Variants in PLEKHH1 observed in about 807,000 individuals in gnomAD.
The protein encoded by PLEKHH1 is pleckstrin homology domain-containing family H member 1.
Under a neutral mutation model 160.0 loss-of-function variants are expected in PLEKHH1, and 104 were observed. The ratio of observed to expected loss-of-function variants is 0.65; its 90% CI spans 0.55 to 0.76. The LOEUF is 0.76. PLEKHH1 is among the 30% of genes least tolerant of loss of function. PLEKHH1 has a pLI of 0.00. For missense variants in PLEKHH1, 1,427 were observed against 1,724.1 expected (o/e 0.83, Z 3.05); for synonymous variants, 619 against 678.4 (o/e 0.91, Z 1.36).
chr14:67,583,916 C>T (rs758957700), intron 25 of PLEKHH1, 33 bp downstream of exon 25: 1 of 1,611,948 alleles, frequency 6.2e-7, no homozygotes. Context: ...CAGCAAGTCA[C>T]TGTGGGGAGG....
Position 67,577,472 on chromosome 14 carries a change from A to G in PLEKHH1, c.2574+58A>G, listed in dbSNP as rs534054526. The G allele has an allele frequency of 8.0e-6, 9 of 1,129,702 alleles. No individual in the cohort carries two copies. In the African/African-American group the frequency reaches 1.4e-4, roughly 17 times the overall value. 70.0% of individuals were successfully genotyped at this position (1,129,702 alleles called of 1,614,324 possible). On this transcript the variant is annotated intron_variant, in intron 18 of 28. Coordinates refer to ENST00000329153, the MANE Select transcript of PLEKHH1 (RefSeq NM_020715.3). ...GGATACTTGCAATACTTGGGTGGAG[A>G]AGGCCTGTGCAGTTGGGGACAACCC...
intron 1 of PLEKHH1, among the ~76,000 whole-genome samples, chr14:67,540,244 A>T (rs2033909345): frequency 1.3e-5 from 2 of 152,196 alleles, no homozygotes; most frequent in Non-Finnish European, 2.9e-5. Flanking sequence ...TCCCCTACTT[A>T]CCTCTTACCT....
In PLEKHH1 at chr14:67,557,993, G is replaced by C. The variant is rs536845450; in HGVS notation, c.339+575G>C. 2.6e-5 allele frequency among the ~76,000 whole-genome samples: 4 copies of C among 152,342 alleles called. No homozygotes were observed. In the East Asian group the frequency reaches 7.7e-4, roughly 29 times the overall value. On this transcript the variant is annotated intron_variant, in intron 4 of 28. Coordinates refer to ENST00000329153, the MANE Select transcript of PLEKHH1 (RefSeq NM_020715.3). ...AGCTGAAGAGGCAGAGACCAAAGTT[G>C]TTGCCTCCTCAGAAAACCAGGGTCT... is the stretch of plus-strand genomic sequence containing the variant.
chr14:67,569,708 T>C lies in PLEKHH1; in HGVS notation c.1343-213T>C. 3 of 587,666 alleles carry C rather than the reference T, an allele frequency of 5.1e-6. No individual in the cohort carries two copies. In the South Asian group the frequency reaches 6.2e-5, roughly 12 times the overall value. The allele number at this position is 587,666 out of a possible 1,614,324, so 36.4% of individuals were successfully genotyped here. The stretch of plus-strand genomic sequence containing the variant: ...GAAAAAATGGTTAAAGGTAAGGCTT[T>C]TGGATTCTTTTGTGAGGGATCCTTT... On this transcript the variant is annotated intron_variant, in intron 8 of 28. Coordinates refer to ENST00000329153, the MANE Select transcript of PLEKHH1 (RefSeq NM_020715.3).
intron 5 of PLEKHH1, 106 bp from the exon 6 acceptor site, chr14:67,561,848 C>T (rs2034847807): frequency 3.8e-6 from 3 of 797,626 alleles, no homozygotes; most frequent in Non-Finnish European, 5.9e-6. Context: ...TCAGTCTGGC[C>T]AACAGAGCAA....
At position 67,574,142 on chromosome 14, in the gene PLEKHH1, C is replaced by A; in HGVS notation, c.1927-100C>A. The A allele has an allele frequency of 2.7e-6, 3 of 1,101,382 alleles. No homozygotes were observed. The highest frequency in any genetic ancestry group is 3.9e-6 in the Non-Finnish European group (3 of 778,186). 68.2% of individuals were successfully genotyped at this position (1,101,382 alleles called of 1,614,324 possible). A position where few individuals can be genotyped will look rare whatever the true frequency, so the allele number is the denominator to read the frequency against. Reference sequence around the variant, plus strand: ...GGGAGCACTAGGGCAGGCAGAAGGCCAGCCCCTTGGGTTCAGGGACAGGTG... The same window carrying A: ...GGGAGCACTAGGGCAGGCAGAAGGCAAGCCCCTTGGGTTCAGGGACAGGTG... On this transcript the variant is annotated intron_variant, in intron 13 of 28. Coordinates refer to ENST00000329153, the MANE Select transcript of PLEKHH1 (RefSeq NM_020715.3). This position sits in a 1 kb window ranked among gnomAD's most constrained non-coding sequence, Gnocchi z 4.2.
chr14:67,568,090 C>G (rs1594772750), intron 7 of PLEKHH1, among the ~76,000 whole-genome samples: 1 of 152,172 alleles, frequency 6.6e-6, no homozygotes, highest in African/African-American at 2.4e-5. Context: ...GCCCTGAAGC[C>G]TAGCCATGAT....
chr14:67,572,111 C>T (rs2035410400), intron 10 of PLEKHH1, 24 bp from the exon 11 acceptor site: 5 of 1,597,988 alleles, frequency 3.1e-6, no homozygotes, highest in Non-Finnish European at 4.3e-6. Flanking sequence ...GGACCCGGGC[C>T]TTGACTCCTC....
Position 67,562,133 on chromosome 14 carries a change from A to C in PLEKHH1, c.506-4A>C. ...CAATGTGACTGTTTTTACCCGAATCACAGCTATTCAGATAGCTCCTTCACG... is the reference window on the plus strand; with the variant it reads ...CAATGTGACTGTTTTTACCCGAATCCCAGCTATTCAGATAGCTCCTTCACG... On this transcript the variant is annotated splice_region_variant and splice_polypyrimidine_tract_variant and intron_variant, in intron 6 of 28. Coordinates refer to ENST00000329153, the MANE Select transcript of PLEKHH1 (RefSeq NM_020715.3). 6.2e-7 allele frequency: 1 copy of C among 1,610,840 alleles called. No homozygotes were observed. Among genetic ancestry groups the C allele is most frequent in the South Asian group, 1.1e-5 (1 of 90,908 alleles).
intron 2 of PLEKHH1, among the ~76,000 whole-genome samples, chr14:67,549,155 A>G (rs2140357097): frequency 6.6e-6 from 1 of 152,286 alleles, no homozygotes. Flanking sequence ...TCATCATGGA[A>G]TGGGTCTTAG....
At chr14:67,552,923 G>C (rs1398721048) in intron 2 of PLEKHH1, among the ~76,000 whole-genome samples, 4 of 152,206 alleles carry the variant, frequency 2.6e-5, no homozygotes, top group Non-Finnish European at 5.9e-5. Flanking sequence ...TTCAGTAATA[G>C]CATGTGCATG....
At position 67,562,205 on chromosome 14, in the gene PLEKHH1, C is replaced by T; in HGVS notation, c.574C>T (p.Pro192Ser). 1.2e-6 allele frequency: 2 copies of T among 1,611,498 alleles called. No homozygotes were observed. Among genetic ancestry groups the T allele is most frequent in the Non-Finnish European group, 1.7e-6 (2 of 1,178,756 alleles). Residue 192 changes from proline (P) to serine (S), a missense_variant, in exon 7 of 29, where the codon CCT (proline) becomes TCT (serine). Physicochemically the swap from Pro to Ser is moderately conservative, Grantham distance 74 (BLOSUM62 -1). Around this residue, in one of 6 missense-constraint regions of PLEKHH1, gnomAD observed 831 missense variants for 929.2 expected, o/e 0.89. Coordinates refer to ENST00000329153, the MANE Select transcript of PLEKHH1 (RefSeq NM_020715.3). Reference protein sequence around the residue: ...PYGAAEQDSVPSEPGIQPMGQ... With the variant: ...PYGAAEQDSVSSEPGIQPMGQ... ...CGGAGCTGCAGAGCAGGATTCTGTCCCTTCAGAGCCGGGAATCCAGCCTAT... is the reference window on the plus strand; with the variant it reads ...CGGAGCTGCAGAGCAGGATTCTGTCTCTTCAGAGCCGGGAATCCAGCCTAT...
chr14:67,575,642 G>A, intron 15 of PLEKHH1, 170 bp downstream of exon 15: 1 of 697,758 alleles, frequency 1.4e-6, no homozygotes, highest in Non-Finnish European at 2.5e-6. Context: ...GGTCTCTGGT[G>A]CTTCTCCAAG....
At chr14:67,557,620 G>C (rs1394366783) in intron 4 of PLEKHH1, among the ~76,000 whole-genome samples, 1 of 152,250 alleles carries the variant, frequency 6.6e-6, no homozygotes, top group East Asian at 1.9e-4. Flanking sequence ...AGGGGATAGA[G>C]TAGAAAAAGG....
At chr14:67,586,747 AC>A in intron 28 of PLEKHH1, 1 of 1,230,810 alleles carries the variant, frequency 8.1e-7, no homozygotes, top group Non-Finnish European at 1.0e-6. Context: ...CTTTAATACC[AC>A]CCCTGCTAAA....
chr14:67,585,701 A>G lies in PLEKHH1; in HGVS notation c.3786+47A>G, dbSNP rs74057884. The G allele has an allele frequency of 3.9e-3, 5,301 of 1,357,404 alleles. 172 individuals carry two copies. In the African/African-American group the frequency reaches 0.065, roughly 17 times the overall value. 84.1% of individuals were successfully genotyped at this position (1,357,404 alleles called of 1,614,324 possible). A position where few individuals can be genotyped will look rare whatever the true frequency, so the allele number is the denominator to read the frequency against. ...TCCCTGACCCCTCCTCTTCCTCAAC[A>G]TGGTCTTTTCTTCTCCTCTGTGGAC... On this transcript the variant is annotated intron_variant, in intron 27 of 28. Transcript: ENST00000329153.
intron 7 of PLEKHH1, among the ~76,000 whole-genome samples, chr14:67,566,098 G>A (rs545563555): frequency 1.3e-5 from 2 of 152,194 alleles, no homozygotes; most frequent in African/African-American, 2.4e-5. Flanking sequence ...CAGCCTGGGC[G>A]ACAGAGGAGA....
Position 67,587,667 on chromosome 14 carries a change from C to G in PLEKHH1, c.*432C>G, listed in dbSNP as rs564550315. 2.8e-4 allele frequency: 57 copies of G among 200,932 alleles called. 1 individual carries two copies. The highest frequency in any genetic ancestry group is 2.2e-3 in the Middle Eastern group (1 of 462). The allele number at this position is 200,932 out of a possible 1,614,324, so 12.4% of individuals were successfully genotyped here. On this transcript the variant is annotated 3_prime_UTR_variant, in exon 29 of 29. Transcript: ENST00000329153. ...GGTTCAAGCAATTCTCCTGCCTCAGCCTTCGGAGTGGCTGGGATTACAGGT... is the reference window on the plus strand; with the variant it reads ...GGTTCAAGCAATTCTCCTGCCTCAGGCTTCGGAGTGGCTGGGATTACAGGT...
Position 67,573,985 on chromosome 14 carries a change from T to C in PLEKHH1, c.1926+98T>C, listed in dbSNP as rs1006969661. 1 of 882,220 alleles carries C rather than the reference T, an allele frequency of 1.1e-6. No homozygotes were observed. Among genetic ancestry groups the C allele is most frequent in the African/African-American group, 1.7e-5 (1 of 60,476 alleles). 54.6% of individuals were successfully genotyped at this position (882,220 alleles called of 1,614,324 possible). ...AAAGATGGGGCCAAATGAGCATGAA[T>C]GAAAGACTTCAGATCAACATTTGGA... On this transcript the variant is annotated intron_variant, in intron 13 of 28. Coordinates refer to ENST00000329153, the MANE Select transcript of PLEKHH1 (RefSeq NM_020715.3). The surrounding 1 kb of genome is among the most constrained non-coding windows in gnomAD (Gnocchi z 4.8).
Sources: allele counts gnomAD v4.1 joint callset (sites outside exome capture counted in the v4.1 genomes callset), GRCh38; gene constraint gnomAD v4.1.1; regional missense constraint gnomAD v4.1.1; non-coding constraint Gnocchi (gnomAD v3.1); transcripts MANE v1.5; gene names NCBI Gene and HGNC (gene_info 2026-07-23, HGNC 2026-07-21).